RANBP17: variants seen among roughly 807,000 people sequenced by gnomAD.
The protein encoded by RANBP17 is ran-binding protein 17.
RANBP17 carries 158 observed loss-of-function variants against 141.2 expected under a neutral mutation model. The observed-to-expected ratio is 1.12, with a 90% CI of 0.98 to 1.28. The LOEUF is 1.28. RANBP17 is among the 50% of genes most tolerant of loss of function. The pLI is 0.00. For synonymous variants in RANBP17, 430 were observed against 450.0 expected, an observed-to-expected ratio of 0.96 and a Z score of 0.56; for missense variants, 1,438 against 1,290.7, an observed-to-expected ratio of 1.11 and a Z score of -1.75.
chr5:170,977,090 A>G (rs1777435848), intron 14 of RANBP17, among the ~76,000 whole-genome samples: 1 of 152,114 alleles, frequency 6.6e-6, no homozygotes, highest in Non-Finnish European at 1.5e-5. Flanking sequence ...TGCATATCAT[A>G]TATTTCATAA....
At chr5:171,191,415 G>T (rs766035337) in intron 18 of RANBP17, among the ~76,000 whole-genome samples, 40 of 152,116 alleles carry the variant, frequency 2.6e-4, no homozygotes, top group Non-Finnish European at 4.7e-4. Flanking sequence ...GAGGCCGGGC[G>T]CAGTGGCTCA....
At chr5:171,019,967 C>T (rs957483334) in intron 14 of RANBP17, among the ~76,000 whole-genome samples, 23 of 152,074 alleles carry the variant, frequency 1.5e-4, no homozygotes, top group African/African-American at 5.6e-4. Flanking sequence ...GATTCTAGTA[C>T]GTTGTCTCTT....
At chr5:171,115,094 C>G (rs80261878) in intron 14 of RANBP17, among the ~76,000 whole-genome samples, 6,976 of 151,856 alleles carry the variant, frequency 0.046, 202 homozygotes, top group East Asian at 0.12. Flanking sequence ...GAGCAAGACC[C>G]TGTCTCTAAA....
At chr5:170,941,322 A>G (rs1774310088) in intron 12 of RANBP17, among the ~76,000 whole-genome samples, 1 of 152,146 alleles carries the variant, frequency 6.6e-6, no homozygotes, top group African/African-American at 2.4e-5. Flanking sequence ...CTTTAAAAAG[A>G]CAAGAGTAAC....
chr5:171,236,377 C>T (rs537894361), intron 22 of RANBP17, among the ~76,000 whole-genome samples: 17 of 152,110 alleles, frequency 1.1e-4, no homozygotes, highest in Non-Finnish European at 1.8e-4. Context: ...TATATCTTAT[C>T]CCTTGCATCA....
intron 18 of RANBP17, among the ~76,000 whole-genome samples, chr5:171,192,913 A>G (rs765742167): frequency 6.6e-6 from 1 of 152,214 alleles, no homozygotes; most frequent in Non-Finnish European, 1.5e-5. Flanking sequence ...GGGAAACTGA[A>G]ATGAAAAACA....
At chr5:170,909,578 CTTTTTT>C in intron 5 of RANBP17, 77 bp from the exon 6 acceptor site, 1 of 240,062 alleles carries the variant, frequency 4.2e-6, no homozygotes, top group Non-Finnish European at 7.3e-6. Flanking sequence ...AGTTTATTTC[CTTTTTT>C]TTTTTTTTTT....
At chr5:170,915,799 A>G (rs1771901941) in intron 8 of RANBP17, among the ~76,000 whole-genome samples, 1 of 152,014 alleles carries the variant, frequency 6.6e-6, no homozygotes, top group Non-Finnish European at 1.5e-5. Flanking sequence ...TATTTCCCAA[A>G]CATACTGTAC....
At chr5:171,197,209 C>T (rs1762025584) in intron 18 of RANBP17, among the ~76,000 whole-genome samples, 1 of 152,086 alleles carries the variant, frequency 6.6e-6, no homozygotes. Flanking sequence ...TAAAATTCAC[C>T]TTAATTGAGA....
At chr5:170,904,415 GA>G (rs1219192998) in intron 5 of RANBP17, 1 of 155,734 alleles carries the variant, frequency 6.4e-6, no homozygotes, top group African/African-American at 2.4e-5. Context: ...GTGGATGCCA[GA>G]AAAAACATAC....
rs116656906 is a variant in RANBP17, at chr5:171,201,178, G to C, written c.2142+1405G>C. On this transcript the variant is annotated intron_variant, in intron 19 of 27. Transcript: ENST00000523189. ...CATCTTCCTAGAGTCATTTTTAATG[G>C]AGTTCCAGTGATATATCCCTAAACC... 3.7e-3 allele frequency among the ~76,000 whole-genome samples: 564 copies of C among 152,194 alleles called. 6 individuals carry two copies. The highest frequency in any genetic ancestry group is 3.1e-3 in the Non-Finnish European group (212 of 68,020).
chr5:171,211,731 G>T (rs959181936), intron 20 of RANBP17, among the ~76,000 whole-genome samples: 1 of 148,870 alleles, frequency 6.7e-6, no homozygotes, highest in Non-Finnish European at 1.5e-5. Flanking sequence ...AACTGTTTCA[G>T]TATATACAAA....
chr5:171,152,822 T>C (rs1327705038), intron 14 of RANBP17, among the ~76,000 whole-genome samples: 1 of 152,240 alleles, frequency 6.6e-6, no homozygotes, highest in Non-Finnish European at 1.5e-5. Context: ...TCTATGTGCA[T>C]TATATCTTAA....
chr5:171,158,212 A>C (rs1759039763), intron 14 of RANBP17: 1 of 172,910 alleles, frequency 5.8e-6, no homozygotes, highest in Admixed American at 6.4e-5. Flanking sequence ...TTTTTTCAAC[A>C]TTTTAAATTA....
At chr5:171,102,045 T>C (rs1360310432) in intron 14 of RANBP17, among the ~76,000 whole-genome samples, 2 of 152,202 alleles carry the variant, frequency 1.3e-5, no homozygotes, top group African/African-American at 4.8e-5. Flanking sequence ...CATTTCAACC[T>C]TGGAGAATCT....
chr5:171,018,865 C>G (rs564732959), intron 14 of RANBP17, among the ~76,000 whole-genome samples: 5 of 152,240 alleles, frequency 3.3e-5, no homozygotes, highest in African/African-American at 1.2e-4. Flanking sequence ...CCAGCTTTTG[C>G]CCATTCAGTA....
chr5:171,295,185 C>CTG (rs1282794566), intron 26 of RANBP17, among the ~76,000 whole-genome samples: 1 of 152,084 alleles, frequency 6.6e-6, no homozygotes, highest in East Asian at 1.9e-4. Context: ...TGAAATTAGG[C>CTG]TGTTTCCAAT....
At chr5:171,037,897 G>A (rs1449546390) in intron 14 of RANBP17, among the ~76,000 whole-genome samples, 1 of 152,010 alleles carries the variant, frequency 6.6e-6, no homozygotes, top group African/African-American at 2.4e-5. Flanking sequence ...GATTGCTTTG[G>A]CTATTCAGGC....
intron 22 of RANBP17, among the ~76,000 whole-genome samples, chr5:171,223,064 G>A (rs993806722): frequency 2.0e-5 from 3 of 152,052 alleles, no homozygotes; most frequent in Admixed American, 2.0e-4. Context: ...TAAAGTAAAA[G>A]CCTATTTTAA....
Sources: gnomAD v4.1 joint callset for allele counts (sites outside exome capture counted in the v4.1 genomes callset) on GRCh38, gnomAD v4.1.1 for gene constraint, MANE v1.5 for transcripts, NCBI Gene and HGNC (gene_info 2026-07-23, HGNC 2026-07-21) for gene names.